Variants in LOXL2 observed in about 807,000 individuals in gnomAD.
LOXL2 encodes the protein lysyl oxidase homolog 2.
In LOXL2, 70 loss-of-function variants were observed where a neutral mutation model predicts 93.0. The observed-to-expected ratio is 0.75, with a 90% CI of 0.62 to 0.92. The LOEUF is 0.92. Ranked by LOEUF, LOXL2 falls within the 40% of genes least tolerant of loss-of-function variation. LOXL2 has a pLI of 0.00. For synonymous variants in LOXL2, 438 were observed against 413.2 expected (o/e 1.06, Z -0.73); for missense variants, 973 against 1,054.9 (o/e 0.92, Z 1.08).
chr8:23,357,833 G>C (rs896358227), intron 3 of LOXL2, among the ~76,000 whole-genome samples: 1 of 152,062 alleles, frequency 6.6e-6, no homozygotes, highest in African/African-American at 2.4e-5. Context: ...GCTTCCATGT[G>C]CTTCTCATTG....
At chr8:23,313,273 C>T (rs1372555451) in intron 9 of LOXL2, among the ~76,000 whole-genome samples, 3 of 152,136 alleles carry the variant, frequency 2.0e-5, no homozygotes, top group Non-Finnish European at 4.4e-5. Flanking sequence ...CAATGACTTT[C>T]TTCACAGAAT....
At chr8:23,312,231 C>T (rs1803329797) in intron 9 of LOXL2, among the ~76,000 whole-genome samples, 1 of 151,306 alleles carries the variant, frequency 6.6e-6, no homozygotes, top group South Asian at 2.1e-4. Context: ...TAAGGAGGAA[C>T]TGGTACCATT....
intron 4 of LOXL2, among the ~76,000 whole-genome samples, chr8:23,334,030 CA>C (rs1436812574): frequency 6.6e-6 from 1 of 152,162 alleles, no homozygotes; most frequent in Non-Finnish European, 1.5e-5. Context: ...CAGATAATTC[CA>C]ACAAAATTTG....
intron 3 of LOXL2, 31 bp downstream of exon 3, chr8:23,360,059 A>C: frequency 6.3e-7 from 1 of 1,575,912 alleles, no homozygotes; most frequent in Non-Finnish European, 8.7e-7. Context: ...AAATGTTTGC[A>C]TGAAGGAAAC....
At chr8:23,356,309 T>G (rs960031795) in intron 3 of LOXL2, among the ~76,000 whole-genome samples, 1 of 152,368 alleles carries the variant, frequency 6.6e-6, no homozygotes, top group East Asian at 1.9e-4. Context: ...CCACAAGCTA[T>G]GTCTCTTCCT....
At position 23,297,847 on chromosome 8, in the gene LOXL2, G is replaced by A; in HGVS notation, c.*196C>T. 3 of 555,868 alleles carry A rather than the reference G, an allele frequency of 5.4e-6. No individual in the cohort carries two copies. Among genetic ancestry groups the A allele is most frequent in the Non-Finnish European group, 9.6e-6 (3 of 311,746 alleles). 34.4% of individuals were successfully genotyped at this position (555,868 alleles called of 1,614,324 possible). A position where few individuals can be genotyped will look rare whatever the true frequency, so the allele number is the denominator to read the frequency against. On this transcript the variant is annotated 3_prime_UTR_variant, in exon 14 of 14. Transcript: ENST00000389131. The stretch of plus-strand genomic sequence containing the variant: ...CCGCAAGGCCTTCTCAGGCCCCAAG[G>A]GTCAGGTAGCAGCCCCCCATGAATG...
chr8:23,331,686 A>G (rs1051803560), intron 5 of LOXL2: 1 of 152,216 alleles, frequency 6.6e-6, no homozygotes, highest in Non-Finnish European at 1.5e-5. Context: ...AGAGACAGAT[A>G]GGGCATTTGC....
intron 5 of LOXL2, 34 bp from the exon 6 acceptor site, chr8:23,328,599 G>T: frequency 1.9e-6 from 3 of 1,602,722 alleles, no homozygotes; most frequent in Non-Finnish European, 2.6e-6. Flanking sequence ...GAGTACAGAC[G>T]CTGATGCACG....
At position 23,297,824 on chromosome 8, in the gene LOXL2, G is replaced by T. The variant is rs2280936; in HGVS notation, c.*219C>A. 1.9e-6 allele frequency: 1 copy of T among 521,466 alleles called. No individual in the cohort carries two copies. The highest frequency in any genetic ancestry group is 3.3e-5 in the Admixed American group (1 of 30,040). 32.3% of individuals were successfully genotyped at this position (521,466 alleles called of 1,614,324 possible). On this transcript the variant is annotated 3_prime_UTR_variant, in exon 14 of 14. Coordinates refer to ENST00000389131, the MANE Select transcript of LOXL2 (RefSeq NM_002318.3). ...AGCTCTGTGGACAAACCCCACCCCC[G>T]CAAGGCCTTCTCAGGCCCCAAGGGT...
In LOXL2 at chr8:23,368,406, A is replaced by C. The variant is rs1804447789; in HGVS notation, c.-55T>G. 3.4e-6 allele frequency: 5 copies of C among 1,490,648 alleles called. No homozygotes were observed. The highest frequency in any genetic ancestry group is 4.6e-6 in the Non-Finnish European group (5 of 1,079,580). 92.3% of individuals were successfully genotyped at this position (1,490,648 alleles called of 1,614,324 possible). On this transcript the variant is annotated 5_prime_UTR_variant, in exon 2 of 14. Coordinates refer to ENST00000389131, the MANE Select transcript of LOXL2 (RefSeq NM_002318.3). ...GGGGCCCTGCGCAGCTGGGAGGGAC[A>C]GGCGGGGTACAGAAGCAGCAGGAGC... is the stretch of plus-strand genomic sequence containing the variant.
chr8:23,300,441 C>T (rs985855421), intron 12 of LOXL2, among the ~76,000 whole-genome samples: 3 of 152,196 alleles, frequency 2.0e-5, no homozygotes, highest in South Asian at 2.1e-4. Context: ...TCTGCGTGGA[C>T]GGTCACTTCC....
At position 23,309,724 on chromosome 8, in the gene LOXL2, C is replaced by G; in HGVS notation, c.1824G>C (p.Gln608His). The change falls in exon 10 of 14, where the codon CAG (glutamine) becomes CAC (histidine). Residue 608 changes from glutamine (Q) to histidine (H), a missense_variant. Physicochemically the swap from Gln to His is conservative, Grantham distance 24. Transcript: ENST00000389131. ...RFSSQIHNNGQSDFRPKNGRH... is the reference protein window; with the variant it reads ...RFSSQIHNNGHSDFRPKNGRH... ...GGCCGTTCTTGGGCCGGAAGTCGGA[C>G]TGGCCATTGTTGTGGATCTGGGAGG... 6.3e-7 allele frequency: 1 copy of G among 1,581,134 alleles called. No homozygotes were observed. Among genetic ancestry groups the G allele is most frequent in the African/African-American group, 1.4e-5 (1 of 73,504 alleles).
Position 23,297,726 on chromosome 8 carries a change from A to C in LOXL2, c.*317T>G. 4 of 220,782 alleles carry C rather than the reference A, an allele frequency of 1.8e-5. No homozygotes were observed. Among genetic ancestry groups the C allele is most frequent in the Non-Finnish European group, 2.6e-5 (3 of 115,314 alleles). The allele number at this position is 220,782 out of a possible 1,614,324, so 13.7% of individuals were successfully genotyped here. A position where few individuals can be genotyped will look rare whatever the true frequency, so the allele number is the denominator to read the frequency against. ...TGTCTGTGGTGAGCTCGGTGGCTTG[A>C]ATGGGACAAGCTGATGACAACCTGT... On this transcript the variant is annotated 3_prime_UTR_variant, in exon 14 of 14. Transcript: ENST00000389131.
At chr8:23,311,744 A>C (rs2117149110) in intron 9 of LOXL2, among the ~76,000 whole-genome samples, 1 of 152,316 alleles carries the variant, frequency 6.6e-6, no homozygotes, top group East Asian at 1.9e-4. Context: ...AGAGCTGAGC[A>C]AGGCAGAGGT....
At chr8:23,312,010 T>C (rs928376418) in intron 9 of LOXL2, among the ~76,000 whole-genome samples, 1 of 152,172 alleles carries the variant, frequency 6.6e-6, no homozygotes, top group Non-Finnish European at 1.5e-5. Flanking sequence ...CATCAGAGAA[T>C]ACTACAAACA....
chr8:23,346,090 A>ATTAAATTAAAT, intron 3 of LOXL2, among the ~76,000 whole-genome samples: 1 of 90,554 alleles, frequency 1.1e-5, no homozygotes, highest in South Asian at 3.5e-4. Flanking sequence ...AAATAATAAA[A>ATTAAATTAAAT]TAAAATAAAA....
intron 3 of LOXL2, among the ~76,000 whole-genome samples, chr8:23,346,142 T>TAATAG (rs1482289467): frequency 8.9e-6 from 1 of 112,558 alleles, no homozygotes; most frequent in African/African-American, 3.2e-5. Flanking sequence ...TAAAATAAAA[T>TAATAG]AAATAAAATA....
chr8:23,318,915 A>G (rs1346359569), intron 8 of LOXL2, among the ~76,000 whole-genome samples: 1 of 152,176 alleles, frequency 6.6e-6, no homozygotes, highest in African/African-American at 2.4e-5. Flanking sequence ...CTCCCATTGG[A>G]GCAACCTGGG....
At chr8:23,352,628 A>G (rs565966840) in intron 3 of LOXL2, among the ~76,000 whole-genome samples, 12 of 152,288 alleles carry the variant, frequency 7.9e-5, no homozygotes, top group African/African-American at 2.9e-4. Context: ...TGTGACTAAT[A>G]AAAACCTGGA....
Sources: allele counts gnomAD v4.1 joint callset (sites outside exome capture counted in the v4.1 genomes callset), GRCh38; gene constraint gnomAD v4.1.1; transcripts MANE v1.5; gene names NCBI Gene and HGNC (gene_info 2026-07-23, HGNC 2026-07-21).